SLIT3: variants seen among roughly 807,000 people sequenced by gnomAD.
SLIT3 encodes slit homolog 3 protein.
In SLIT3, 68 loss-of-function variants were observed where a neutral mutation model predicts 184.0. The ratio of observed to expected loss-of-function variants is 0.37; its 90% confidence interval spans 0.30 to 0.45. SLIT3 has a LOEUF of 0.45. SLIT3 is among the 20% of genes least tolerant of loss of function. SLIT3 has a pLI of 1.00. For synonymous variants in SLIT3, 831 were observed against 828.6 expected (o/e 1.00, Z -0.05); for missense variants, 1,707 against 2,026.0 (o/e 0.84, Z 3.02).
chr5:168,875,061 A>AAGGAAAGAAGGGAGGAAGAGGGGG (rs1393326892), intron 5 of SLIT3, among the ~76,000 whole-genome samples: 7 of 100,794 alleles, frequency 6.9e-5, no homozygotes, highest in Non-Finnish European at 1.2e-4. Context: ...GGAAGAAAGG[A>AAGGAAAGAAGGGAGGAAGAGGGGG]AGGAAAGAAG....
intron 3 of SLIT3, among the ~76,000 whole-genome samples, chr5:169,201,044 A>G (rs1411033062): frequency 6.6e-6 from 1 of 152,220 alleles, no homozygotes; most frequent in Non-Finnish European, 1.5e-5. Flanking sequence ...TCATTGAGAT[A>G]TAATGGAGCT....
chr5:168,979,339 A>C (rs1250000152), intron 4 of SLIT3, among the ~76,000 whole-genome samples: 2 of 152,290 alleles, frequency 1.3e-5, no homozygotes, highest in East Asian at 1.9e-4. Context: ...CCATCCAAGC[A>C]ATGAGAAAAC....
At chr5:168,868,811 A>T (rs1373625256) in intron 5 of SLIT3, among the ~76,000 whole-genome samples, 1 of 152,118 alleles carries the variant, frequency 6.6e-6, no homozygotes, top group Non-Finnish European at 1.5e-5. Flanking sequence ...GGTTTGGTTA[A>T]GGATTAATCA....
At chr5:168,789,813 G>A in intron 10 of SLIT3, 182 bp from the exon 11 acceptor site, 1 of 571,900 alleles carries the variant, frequency 1.7e-6, no homozygotes. Context: ...ACTACCTCAT[G>A]ATAAAGTGCA....
intron 4 of SLIT3, chr5:169,018,700 TG>T (rs1756486268): frequency 6.6e-6 from 1 of 152,346 alleles, no homozygotes; most frequent in African/African-American, 2.4e-5. Flanking sequence ...AACACTGTAT[TG>T]ATTTGCTCTT....
At chr5:169,173,028 C>G (rs1371061150) in intron 4 of SLIT3, among the ~76,000 whole-genome samples, 1 of 152,076 alleles carries the variant, frequency 6.6e-6, no homozygotes, top group Non-Finnish European at 1.5e-5. Flanking sequence ...TTGAAAGGCG[C>G]AGAGGGGTGG....
rs1008093304 is a variant in SLIT3, at chr5:168,789,774, G to A, written c.1008-143C>T. ...AGCAATTCATTTACTCATAGTGCAA[G>A]AGAAGGAGCTTAAAGAGCCTTCAGT... On this transcript the variant is annotated intron_variant, in intron 10 of 35. Coordinates refer to ENST00000519560, the MANE Select transcript of SLIT3 (RefSeq NM_003062.4). The A allele has an allele frequency of 4.6e-6, 3 of 649,746 alleles. 1 individual carries two copies. Among genetic ancestry groups the A allele is most frequent in the South Asian group, 4.0e-5 (2 of 49,548 alleles). The allele number at this position is 649,746 out of a possible 1,614,324, so 40.2% of individuals were successfully genotyped here. A position where few individuals can be genotyped will look rare whatever the true frequency, so the allele number is the denominator to read the frequency against.
chr5:168,837,178 A>G (rs1346630722), intron 6 of SLIT3, among the ~76,000 whole-genome samples: 1 of 152,130 alleles, frequency 6.6e-6, no homozygotes, highest in African/African-American at 2.4e-5. Flanking sequence ...ATAGAGTGCA[A>G]TTTTAATCCT....
At chr5:169,078,153 G>A (rs559778594) in intron 4 of SLIT3, among the ~76,000 whole-genome samples, 1 of 152,220 alleles carries the variant, frequency 6.6e-6, no homozygotes, top group South Asian at 2.1e-4. Flanking sequence ...ACCACCCACT[G>A]CTTCAATTTC....
intron 25 of SLIT3, 124 bp from the exon 26 acceptor site, chr5:168,708,224 T>C: frequency 3.8e-6 from 5 of 1,326,698 alleles, no homozygotes; most frequent in South Asian, 1.4e-5. Context: ...CATGCCCAGA[T>C]GGCAGCTGGC....
intron 16 of SLIT3, among the ~76,000 whole-genome samples, chr5:168,755,400 T>TCTCTTTC (rs1754870366): frequency 5.7e-5 from 1 of 17,520 alleles, no homozygotes; most frequent in South Asian, 1.8e-3. Context: ...TTTCTTTCTT[T>TCTCTTTC]CTTTCTTTCT....
rs560848308 is a variant in SLIT3 at position 169,093,311 on chromosome 5, A to G, written c.413+100168T>C. ...TTTAGTGATTATTGTAGGTTAAAGA[A>G]AACCCTCTTCTCCCAAAAGGTCCAG... On this transcript the variant is annotated intron_variant, in intron 4 of 35. Coordinates refer to ENST00000519560, the MANE Select transcript of SLIT3 (RefSeq NM_003062.4). Among the ~76,000 whole-genome samples, 4 of 152,322 alleles carry G rather than the reference A, an allele frequency of 2.6e-5. No individual in the cohort carries two copies. The South Asian group carries it at 8.3e-4, about 32-fold the overall frequency.
chr5:168,959,086 T>C (rs942535751), intron 4 of SLIT3, among the ~76,000 whole-genome samples: 2 of 152,246 alleles, frequency 1.3e-5, no homozygotes, highest in Admixed American at 6.5e-5. Context: ...TGGGCTGAGA[T>C]TTGAAAAGAA....
At chr5:168,978,259 T>C (rs1342734836) in intron 4 of SLIT3, among the ~76,000 whole-genome samples, 1 of 152,240 alleles carries the variant, frequency 6.6e-6, no homozygotes, top group Non-Finnish European at 1.5e-5. Flanking sequence ...GAGGATTACC[T>C]AAGGTCTCAT....
intron 3 of SLIT3, among the ~76,000 whole-genome samples, chr5:169,212,158 A>C (rs1169170357): frequency 6.6e-6 from 1 of 152,092 alleles, no homozygotes; most frequent in African/African-American, 2.4e-5. Context: ...TGCTGGGTCA[A>C]ATGGTATTTC....
At chr5:168,692,907 G>A (rs572448983) in intron 28 of SLIT3, among the ~76,000 whole-genome samples, 47 of 152,286 alleles carry the variant, frequency 3.1e-4, no homozygotes, top group Non-Finnish European at 5.7e-4. Context: ...CAGTGACCAC[G>A]GGAAGATTCC....
intron 28 of SLIT3, among the ~76,000 whole-genome samples, chr5:168,694,356 C>T (rs1761991887): frequency 6.6e-6 from 1 of 152,208 alleles, no homozygotes; most frequent in South Asian, 2.1e-4. Context: ...TGACCAATGA[C>T]TCAACTCTAT....
intron 4 of SLIT3, among the ~76,000 whole-genome samples, chr5:168,884,251 T>C (rs889976705): frequency 1.3e-5 from 2 of 151,650 alleles, no homozygotes; most frequent in Non-Finnish European, 2.9e-5. Flanking sequence ...GCGTGCAAAC[T>C]GGCCCTGCAA....
intron 4 of SLIT3, among the ~76,000 whole-genome samples, chr5:169,094,035 A>G (rs1042772499): frequency 6.6e-6 from 1 of 152,208 alleles, no homozygotes; most frequent in Non-Finnish European, 1.5e-5. Context: ...TAACAACACT[A>G]TGAAGTAGGA....
Sources: allele counts gnomAD v4.1 joint callset (sites outside exome capture counted in the v4.1 genomes callset), GRCh38; gene constraint gnomAD v4.1.1; transcripts MANE v1.5; gene names NCBI Gene and HGNC (gene_info 2026-07-23, HGNC 2026-07-21).